The following WBP2NL variants were observed in gnomAD, a reference collection of about 807,000 sequenced individuals.
The protein encoded by WBP2NL is WBP2 N-terminal like.
WBP2NL carries 27 observed loss-of-function variants against 23.3 expected under a neutral mutation model. That is an observed-to-expected ratio of 1.16 (90% CI 0.85 to 1.60). The LOEUF is 1.60. Among genes scored for constraint, WBP2NL ranks in the 40% most tolerant of loss-of-function variants. The pLI is 0.00. For synonymous variants in WBP2NL, 151 were observed against 145.9 expected, an observed-to-expected ratio of 1.03 and a Z score of -0.25; for missense variants, 370 against 389.5, an observed-to-expected ratio of 0.95 and a Z score of 0.42.
intron 1 of WBP2NL, among the ~76,000 whole-genome samples, chr22:42,004,810 A>G (rs886879379): frequency 2.6e-5 from 4 of 152,112 alleles, no homozygotes; most frequent in African/African-American, 9.6e-5. Context: ...TGTAATCCCA[A>G]CTACTCGGGA....
At chr22:42,001,096 C>T (rs889863852) in intron 1 of WBP2NL, 2 of 1,042,686 alleles carry the variant, frequency 1.9e-6, no homozygotes, top group Non-Finnish European at 1.5e-6. Flanking sequence ...TTTCATCATA[C>T]AAGACAAGCA....
chr22:42,051,481 A>G (rs988388980), intron 8 of WBP2NL, among the ~76,000 whole-genome samples: 2 of 152,172 alleles, frequency 1.3e-5, no homozygotes, highest in Non-Finnish European at 2.9e-5. Flanking sequence ...TAAAGAGTGA[A>G]CCCTAATGTA....
chr22:42,046,894 A>G (rs968201989), intron 8 of WBP2NL, among the ~76,000 whole-genome samples: 4 of 152,212 alleles, frequency 2.6e-5, no homozygotes, highest in Non-Finnish European at 4.4e-5. Flanking sequence ...CACAGAAACT[A>G]TTGACCCCTC....
At chr22:42,046,792 CT>C (rs144792918) in intron 8 of WBP2NL, among the ~76,000 whole-genome samples, 3,591 of 152,218 alleles carry the variant, frequency 0.024, 153 homozygotes, top group African/African-American at 0.082. Flanking sequence ...TGTTTTGGAT[CT>C]TACGATGCTG....
chr22:42,014,381 A>G (rs1454007309), intron 1 of WBP2NL, among the ~76,000 whole-genome samples: 3 of 152,052 alleles, frequency 2.0e-5, no homozygotes, highest in Non-Finnish European at 4.4e-5. Flanking sequence ...GCACTCCACC[A>G]TGCTTGGCTA....
rs1160185843 is a variant in WBP2NL at position 41,998,823 on chromosome 22, C to T, written c.5C>T (p.Ala2Val). The T allele has an allele frequency of 4.3e-6, 7 of 1,609,764 alleles. No homozygotes were observed. Among genetic ancestry groups the T allele is most frequent in the African/African-American group, 1.3e-5 (1 of 74,872 alleles). Residue 2 changes from alanine (A) to valine (V), a missense_variant, in exon 1 of 6, where the codon GCG becomes GTG. Transcript: ENST00000328823. The stretch of plus-strand genomic sequence containing the variant: ...CGGCAGGAGGCCCGAAGCAAGATGG[C>T]GGTGAATCAGAGCCACACCGAGAAC... The part of the protein sequence containing the change: M[A>V]VNQSHTENRR...
At chr22:42,015,668 G>A (rs756927391) in intron 1 of WBP2NL, among the ~76,000 whole-genome samples, 12 of 152,142 alleles carry the variant, frequency 7.9e-5, no homozygotes, top group Non-Finnish European at 1.5e-4. Flanking sequence ...CTTCCGAAGT[G>A]CTAGATTACA....
rs914445167 is a variant in WBP2NL at position 42,028,140 on chromosome 22, C to G, written c.*959C>G. On this transcript the variant is annotated 3_prime_UTR_variant, in exon 6 of 6. Transcript: ENST00000328823. ...CTAACAGCACAAAATTAGAAATAAC[C>G]TATATGTCCATTAATAGGAAATATA... 2.5e-6 allele frequency: 1 copy of G among 398,254 alleles called. No individual in the cohort carries two copies. Among genetic ancestry groups the G allele is most frequent in the Non-Finnish European group, 4.4e-6 (1 of 225,990 alleles). 24.7% of individuals were successfully genotyped at this position (398,254 alleles called of 1,614,324 possible).
At chr22:42,032,772 G>A (rs557337576), downstream of WBP2NL, 1 of 470,298 alleles carries the variant, frequency 2.1e-6, no homozygotes, top group South Asian at 1.6e-5. Context: ...TTCCTAAATG[G>A]ATTAGAAAGA....
At chr22:42,019,607 C>G (rs1313760088) in intron 2 of WBP2NL, 55 bp from the exon 3 acceptor site, 3 of 1,607,768 alleles carry the variant, frequency 1.9e-6, no homozygotes, top group East Asian at 2.2e-5. Flanking sequence ...TCTTGTAAGT[C>G]TCAATCCATG....
chr22:42,002,617 C>T (rs1921815818), intron 1 of WBP2NL: 1 of 152,128 alleles, frequency 6.6e-6, no homozygotes, highest in Non-Finnish European at 1.5e-5. Context: ...AAAACTCAGT[C>T]TATCTACAGT....
Position 42,022,375 on chromosome 22 carries a change from G to C in WBP2NL, c.514+19G>C. ...TGTTCAGGTAAGGTATGGCAGAGAGGTTCTTCCTGGAAGGTGGAAAATTAT... is the reference window on the plus strand; with the variant it reads ...TGTTCAGGTAAGGTATGGCAGAGAGCTTCTTCCTGGAAGGTGGAAAATTAT... On this transcript the variant is annotated intron_variant, in intron 5 of 5. Transcript: ENST00000328823. 6.3e-7 allele frequency: 1 copy of C among 1,586,818 alleles called. No individual in the cohort carries two copies. The highest frequency in any genetic ancestry group is 8.6e-7 in the Non-Finnish European group (1 of 1,165,834).
At chr22:42,009,155 A>T (rs1181863613) in intron 1 of WBP2NL, among the ~76,000 whole-genome samples, 1 of 152,038 alleles carries the variant, frequency 6.6e-6, no homozygotes, top group African/African-American at 2.4e-5. Flanking sequence ...ACCTCAGTTG[A>T]TCCACCCACC....
downstream of WBP2NL, among the ~76,000 whole-genome samples, chr22:42,029,784 A>G (rs185199537): frequency 2.4e-4 from 36 of 152,374 alleles, 1 homozygote; most frequent in East Asian, 2.1e-3. Context: ...TAGTGACCAC[A>G]TAATATTCTG....
rs200919472 is a variant in WBP2NL, at chr22:42,019,453, ACT to A, written c.171+37_171+38del. The A allele has an allele frequency of 1.3e-3, 2,138 of 1,594,198 alleles. 35 individuals carry two copies. In the African/African-American group the frequency reaches 0.026, roughly 19 times the overall value. On this transcript the variant is annotated intron_variant, in intron 2 of 5. Coordinates refer to ENST00000328823, the MANE Select transcript of WBP2NL (RefSeq NM_152613.3). ...TACTTCTACTTTAATCTGCTGATTA[ACT>A]CTACATTTGTTTTCCTTGAAATGAA...
At chr22:42,047,442 T>C (rs1441312442) in intron 8 of WBP2NL, among the ~76,000 whole-genome samples, 2 of 151,308 alleles carry the variant, frequency 1.3e-5, no homozygotes, top group African/African-American at 4.8e-5. Context: ...GTACAAAAAT[T>C]AGCCTGGTGT....
chr22:42,022,319 G>A lies in WBP2NL; in HGVS notation c.477G>A (p.Gly159=), dbSNP rs1422707022. The part of the protein sequence containing the change: ...FSSMGIYVIT[G]EGNMCTPQMP... ...CTATGGGAATTTATGTAATTACTGG[G>A]GAAGGGAATATGTGCACTCCACAGA... Residue 159 remains glycine (G), a synonymous_variant, in exon 5 of 6, where the codon GGG becomes GGA. Coordinates refer to ENST00000328823, the MANE Select transcript of WBP2NL (RefSeq NM_152613.3). The A allele has an allele frequency of 1.2e-6, 2 of 1,613,908 alleles. No homozygotes were observed. The highest frequency in any genetic ancestry group is 1.3e-5 in the African/African-American group (1 of 74,906).
At chr22:42,013,157 G>T (rs1922981686) in intron 1 of WBP2NL, among the ~76,000 whole-genome samples, 1 of 151,982 alleles carries the variant, frequency 6.6e-6, no homozygotes, top group South Asian at 2.1e-4. Context: ...CAGATCACCT[G>T]AGGCCGGGAG....
chr22:42,035,709 T>C (rs994672953), downstream of WBP2NL, among the ~76,000 whole-genome samples: 4 of 152,250 alleles, frequency 2.6e-5, no homozygotes, highest in African/African-American at 7.2e-5. Context: ...TACAACTGAA[T>C]GTTTTTGTGA....
Sources: allele counts gnomAD v4.1 joint callset (sites outside exome capture counted in the v4.1 genomes callset), GRCh38; gene constraint gnomAD v4.1.1; transcripts MANE v1.5; gene names NCBI Gene and HGNC (gene_info 2026-07-23, HGNC 2026-07-21).